The following KIAA1217 variants were observed in gnomAD, a reference collection of about 807,000 sequenced individuals.
The protein encoded by KIAA1217 is sickle tail protein homolog.
KIAA1217 carries 88 observed loss-of-function variants against 163.9 expected under a neutral mutation model. That is an observed-to-expected ratio of 0.54 (90% CI 0.45 to 0.64). The LOEUF is 0.64. KIAA1217 is among the 30% of genes least tolerant of loss of function. The pLI is 0.00. For synonymous variants in KIAA1217, 903 were observed against 923.1 expected (o/e 0.98, Z 0.39); for missense variants, 2,372 against 2,475.0 (o/e 0.96, Z 0.88).
At chr10:24,381,163 G>T (rs1053641342) in intron 3 of KIAA1217, 96 bp downstream of exon 3, 38 of 944,110 alleles carry the variant, frequency 4.0e-5, no homozygotes, top group Non-Finnish European at 5.6e-5. Flanking sequence ...ACATTAATTT[G>T]ATCTTGATTT....
intron 2 of KIAA1217, among the ~76,000 whole-genome samples, chr10:24,278,854 C>CTTTTTTTTT (rs11288814): frequency 1.4e-5 from 2 of 140,844 alleles, no homozygotes; most frequent in Non-Finnish European, 3.0e-5. Context: ...ACTCAGATTA[C>CTTTTTTTTT]TTTTTTTTTT....
intron 1 of KIAA1217, among the ~76,000 whole-genome samples, chr10:23,820,396 A>G (rs140579688): frequency 2.6e-5 from 4 of 152,318 alleles, no homozygotes; most frequent in Middle Eastern, 3.4e-3. Flanking sequence ...TCCACTTGCT[A>G]TGATAACAGT....
chr10:24,371,053 T>C (rs189869523), intron 2 of KIAA1217, among the ~76,000 whole-genome samples: 11 of 152,330 alleles, frequency 7.2e-5, no homozygotes, highest in African/African-American at 2.2e-4. Flanking sequence ...GAGATCATAG[T>C]TGAGCTAGGC....
rs1024360687 is a variant in KIAA1217, at chr10:24,436,689, C to T, written c.753-1697C>T. Among the ~76,000 whole-genome samples, 12 of 127,304 alleles carry T rather than the reference C, an allele frequency of 9.4e-5. No individual in the cohort carries two copies. The Middle Eastern group carries it at 0.015, about 156-fold the overall frequency. The allele number at this position is 127,304 out of a possible 152,430, so 83.5% of individuals were successfully genotyped here. On this transcript the variant is annotated intron_variant, in intron 4 of 20. Transcript: ENST00000376454. ...AGGAGAATGCTGTGAACCCGGGAAG[C>T]GGAACTCACAGTGAGCCGAGACGGT...
intron 5 of KIAA1217, among the ~76,000 whole-genome samples, chr10:24,449,095 T>C (rs1372740255): frequency 6.6e-6 from 1 of 152,244 alleles, no homozygotes; most frequent in Non-Finnish European, 1.5e-5. Context: ...GTTTCTGTTA[T>C]GATTGATAAG....
intron 2 of KIAA1217, among the ~76,000 whole-genome samples, chr10:24,375,500 T>C (rs1470163141): frequency 6.6e-6 from 1 of 152,246 alleles, no homozygotes; most frequent in Non-Finnish European, 1.5e-5. Flanking sequence ...AATTTAATAT[T>C]TTGTTCCTGG....
intron 1 of KIAA1217, among the ~76,000 whole-genome samples, chr10:23,706,462 T>C (rs1033404513): frequency 6.6e-6 from 1 of 152,182 alleles, no homozygotes; most frequent in African/African-American, 2.4e-5. Context: ...TCCTACTTTG[T>C]TGAGTGTTTC....
intron 2 of KIAA1217, among the ~76,000 whole-genome samples, chr10:24,035,185 G>C (rs536115764): frequency 2.0e-5 from 3 of 152,142 alleles, no homozygotes; most frequent in Non-Finnish European, 4.4e-5. Flanking sequence ...GTTTCAGTTT[G>C]CTCATCTGTT....
chr10:23,916,976 A>G (rs1290290708), intron 1 of KIAA1217, among the ~76,000 whole-genome samples: 1 of 151,656 alleles, frequency 6.6e-6, no homozygotes, highest in African/African-American at 2.4e-5. Context: ...CTCAAAAAAA[A>G]AAAAAAAAAA....
At chr10:24,511,281 G>A (rs539656687) in intron 9 of KIAA1217, among the ~76,000 whole-genome samples, 37 of 151,802 alleles carry the variant, frequency 2.4e-4, no homozygotes, top group Admixed American at 1.9e-3. Context: ...ATTGCCCAGC[G>A]CCTGGAGAAT....
chr10:23,784,237 A>G (rs1434774334), intron 1 of KIAA1217, among the ~76,000 whole-genome samples: 3 of 152,142 alleles, frequency 2.0e-5, no homozygotes, highest in South Asian at 2.1e-4. Flanking sequence ...TATTTTGTCT[A>G]TTATAAATAT....
intron 2 of KIAA1217, among the ~76,000 whole-genome samples, chr10:24,262,350 G>A (rs181701563): frequency 2.6e-5 from 4 of 152,270 alleles, no homozygotes; most frequent in African/African-American, 4.8e-5. Flanking sequence ...AATATTGGCC[G>A]GGCGTGGTGG....
chr10:23,699,650 G>T (rs1048733786), intron 1 of KIAA1217, among the ~76,000 whole-genome samples: 1 of 151,924 alleles, frequency 6.6e-6, no homozygotes, highest in Non-Finnish European at 1.5e-5. Flanking sequence ...TTAGAGACTG[G>T]GTTTCTCTTT....
intron 2 of KIAA1217, among the ~76,000 whole-genome samples, chr10:24,296,026 G>A (rs1377611182): frequency 6.6e-6 from 1 of 152,188 alleles, no homozygotes; most frequent in Non-Finnish European, 1.5e-5. Flanking sequence ...CCAGCAGTAA[G>A]GGTGTCACCT....
intron 2 of KIAA1217, among the ~76,000 whole-genome samples, chr10:24,345,164 CAGTT>C (rs780212802): frequency 9.8e-4 from 149 of 152,292 alleles, no homozygotes; most frequent in Non-Finnish European, 1.8e-3. Context: ...TCTTCACTGA[CAGTT>C]AGCATTGAAA....
chr10:24,494,115 T>C (rs1322908943), intron 6 of KIAA1217, among the ~76,000 whole-genome samples: 1 of 152,112 alleles, frequency 6.6e-6, no homozygotes, highest in African/African-American at 2.4e-5. Context: ...GGCATAGAAA[T>C]GTGTGCAGCT....
intron 3 of KIAA1217, among the ~76,000 whole-genome samples, chr10:24,425,072 G>A (rs1177073824): frequency 3.3e-5 from 5 of 152,110 alleles, no homozygotes; most frequent in African/African-American, 1.2e-4. Flanking sequence ...GCAGCCCTTG[G>A]CTTATTTCCT....
chr10:24,084,851 A>G (rs1352144905), intron 2 of KIAA1217, among the ~76,000 whole-genome samples: 1 of 150,426 alleles, frequency 6.6e-6, no homozygotes, highest in Non-Finnish European at 1.5e-5. Flanking sequence ...AGGTAGAACT[A>G]TTTTTATTAC....
At chr10:24,322,953 T>C (rs2044365826) in intron 2 of KIAA1217, among the ~76,000 whole-genome samples, 1 of 152,182 alleles carries the variant, frequency 6.6e-6, no homozygotes, top group African/African-American at 2.4e-5. Context: ...CATTTTCAGT[T>C]GTTTTTTATA....
Sources: gnomAD v4.1 joint callset for allele counts (sites outside exome capture counted in the v4.1 genomes callset) on GRCh38, gnomAD v4.1.1 for gene constraint, MANE v1.5 for transcripts, NCBI Gene and HGNC (gene_info 2026-07-23, HGNC 2026-07-21) for gene names.